The following N4BP2L2 variants were observed in gnomAD, a reference collection of about 807,000 sequenced individuals.
The protein encoded by N4BP2L2 is NEDD4-binding protein 2-like 2.
A neutral mutation model predicts 56.2 loss-of-function variants in N4BP2L2; 50 were observed. The observed-to-expected ratio is 0.89, with a 90% CI of 0.71 to 1.13. N4BP2L2 has a LOEUF of 1.13. N4BP2L2 is among the 50% of genes most tolerant of loss of function. The pLI, the probability that N4BP2L2 is intolerant of heterozygous loss-of-function variation, is 0.00. For synonymous variants in N4BP2L2, 203 were observed against 223.6 expected, an observed-to-expected ratio of 0.91 and a Z score of 0.82; for missense variants, 689 against 693.8, an observed-to-expected ratio of 0.99 and a Z score of 0.08.
At chr13:32,502,740 C>G (rs2090236402) in intron 6 of N4BP2L2, among the ~76,000 whole-genome samples, 1 of 152,166 alleles carries the variant, frequency 6.6e-6, no homozygotes, top group African/African-American at 2.4e-5. Flanking sequence ...TTACAACAAT[C>G]CCTGATACTT....
At chr13:32,493,635 G>C (rs776905555) in intron 6 of N4BP2L2, among the ~76,000 whole-genome samples, 3 of 151,950 alleles carry the variant, frequency 2.0e-5, no homozygotes, top group Non-Finnish European at 4.4e-5. Context: ...TTAAAATGTT[G>C]AAAGTGGATA....
chr13:32,450,917 T>C lies in N4BP2L2; in HGVS notation c.366-6791A>G, dbSNP rs147885222. On this transcript the variant is annotated intron_variant, in intron 6 of 9. Transcript: ENST00000357505. ...CTCTCTCTTTCTGACGTGTTCTCCA[T>C]GCTGTCCAGGCTGGTCTCGAACTCC... Among the ~76,000 whole-genome samples the C allele has an allele frequency of 6.0e-3, 780 of 128,978 alleles. 6 individuals are homozygous for C. Among genetic ancestry groups the C allele is most frequent in the African/African-American group, 0.021 (744 of 34,792 alleles). 84.6% of individuals were successfully genotyped at this position (128,978 alleles called of 152,430 possible). A position where few individuals can be genotyped will look rare whatever the true frequency, so the allele number is the denominator to read the frequency against.
rs182368216 is a variant in N4BP2L2, at chr13:32,517,503, A to T, written c.*299T>A. The T allele has an allele frequency of 1.4e-5, 15 of 1,099,312 alleles. No homozygotes were observed. The East Asian group carries it at 8.8e-4, about 64-fold the overall frequency. 68.1% of individuals were successfully genotyped at this position (1,099,312 alleles called of 1,614,324 possible). A position where few individuals can be genotyped will look rare whatever the true frequency, so the allele number is the denominator to read the frequency against. ...TTCAATAGTGTCTATAAAATAGATA[A>T]ATTAGTTTAAAATTCGATTGTAGAA... is the stretch of plus-strand genomic sequence containing the variant. On this transcript the variant is annotated 3_prime_UTR_variant, in exon 6 of 6. Transcript: ENST00000267068.
intron 2 of N4BP2L2, 57 bp from the exon 3 acceptor site, chr13:32,527,589 T>C: frequency 6.5e-7 from 1 of 1,537,852 alleles, no homozygotes; most frequent in Non-Finnish European, 8.6e-7. Context: ...CCATCAGAAA[T>C]AAACTATCAG....
At chr13:32,461,436 A>G (rs572066620) in intron 6 of N4BP2L2, among the ~76,000 whole-genome samples, 1 of 152,312 alleles carries the variant, frequency 6.6e-6, no homozygotes, top group Non-Finnish European at 1.5e-5. Context: ...AAACAAAGAA[A>G]AAACAACAAT....
chr13:32,469,479 G>A (rs961426327), intron 6 of N4BP2L2, among the ~76,000 whole-genome samples: 10 of 152,186 alleles, frequency 6.6e-5, no homozygotes, highest in Non-Finnish European at 1.3e-4. Context: ...GGGATGCAGC[G>A]CAGGGAGGAG....
intron 6 of N4BP2L2, among the ~76,000 whole-genome samples, chr13:32,459,208 T>C (rs868603758): frequency 6.6e-6 from 1 of 151,494 alleles, no homozygotes; most frequent in Admixed American, 6.6e-5. Flanking sequence ...AAATAACCAA[T>C]CTAATGATGC....
intron 6 of N4BP2L2, among the ~76,000 whole-genome samples, chr13:32,457,583 G>A (rs1008494242): frequency 1.3e-5 from 2 of 152,190 alleles, no homozygotes; most frequent in Non-Finnish European, 2.9e-5. Context: ...TATTCAAAGT[G>A]CTGAAAGAAA....
intron 6 of N4BP2L2, among the ~76,000 whole-genome samples, chr13:32,452,305 C>T (rs2078225547): frequency 6.6e-6 from 1 of 152,144 alleles, no homozygotes; most frequent in Non-Finnish European, 1.5e-5. Flanking sequence ...AGGTGATCCG[C>T]CTGCCTCGGC....
At chr13:32,464,661 T>A (rs2080887855) in intron 6 of N4BP2L2, among the ~76,000 whole-genome samples, 1 of 152,228 alleles carries the variant, frequency 6.6e-6, no homozygotes, top group Non-Finnish European at 1.5e-5. Context: ...ATTCCTTATA[T>A]TAAATCCCCC....
chr13:32,529,886 C>T (rs886616570), intron 2 of N4BP2L2, among the ~76,000 whole-genome samples: 10 of 151,898 alleles, frequency 6.6e-5, no homozygotes, highest in South Asian at 4.2e-4. Flanking sequence ...CCATCACGCC[C>T]GGCTAATTTT....
At chr13:32,522,683 A>G (rs1211572512) in intron 3 of N4BP2L2, 1 of 153,052 alleles carries the variant, frequency 6.5e-6, no homozygotes, top group Non-Finnish European at 1.5e-5. Flanking sequence ...ATGGCAAGTT[A>G]CAAGACAATA....
chr13:32,514,517 T>G (rs1462639412), exon 6 of N4BP2L2: 3 of 152,128 alleles, frequency 2.0e-5, no homozygotes, highest in African/African-American at 7.2e-5. Flanking sequence ...AGCAGGGGTC[T>G]ATTCCACTAA....
At chr13:32,474,367 C>T (rs138168277) in intron 6 of N4BP2L2, among the ~76,000 whole-genome samples, 221 of 151,912 alleles carry the variant, frequency 1.5e-3, no homozygotes, top group Non-Finnish European at 2.5e-3. Flanking sequence ...CAAAATGTCA[C>T]GGTCAATTAT....
exon 6 of N4BP2L2, chr13:32,512,411 T>C (rs1188204311): frequency 6.6e-6 from 1 of 152,208 alleles, no homozygotes; most frequent in Non-Finnish European, 1.5e-5. Flanking sequence ...AGAAAAATCA[T>C]CTATTTTTTT....
At chr13:32,536,913 T>C in exon 2 of N4BP2L2, 2 of 1,614,102 alleles carry the variant, frequency 1.2e-6, no homozygotes, top group South Asian at 2.2e-5. Context: ...TCAGCATTAC[T>C]ATGATTGTGA....
intron 6 of N4BP2L2, among the ~76,000 whole-genome samples, chr13:32,466,154 A>G (rs181426325): frequency 1.6e-4 from 24 of 152,340 alleles, no homozygotes; most frequent in African/African-American, 5.1e-4. Context: ...CTATCCATCA[A>G]TAGATCGAAT....
At chr13:32,521,754 T>C in intron 4 of N4BP2L2, 1 of 281,478 alleles carries the variant, frequency 3.6e-6, no homozygotes, top group Non-Finnish European at 6.5e-6. Flanking sequence ...GCACGGCAGA[T>C]GGGCTGAGCT....
intron 2 of N4BP2L2, among the ~76,000 whole-genome samples, chr13:32,532,982 C>A (rs1206450491): frequency 1.3e-5 from 2 of 152,072 alleles, no homozygotes; most frequent in Non-Finnish European, 2.9e-5. Context: ...ACCTCAGCCT[C>A]CCAAAGTGCT....
Sources: allele counts gnomAD v4.1 joint callset (sites outside exome capture counted in the v4.1 genomes callset), GRCh38; gene constraint gnomAD v4.1.1; transcripts MANE v1.5; gene names NCBI Gene and HGNC (gene_info 2026-07-23, HGNC 2026-07-21).